Variants in GRID2 observed in about 807,000 individuals in gnomAD.
The protein encoded by GRID2 is glutamate receptor ionotropic, delta-2.
GRID2 carries 33 observed loss-of-function variants against 114.8 expected under a neutral mutation model. The observed-to-expected ratio is 0.29, with a 90% CI of 0.22 to 0.38. The LOEUF (loss-of-function observed/expected upper bound fraction) is 0.38, where lower values mean the gene tolerates loss of function less well. Ranked by LOEUF, GRID2 falls within the 10% of genes least tolerant of loss-of-function variation. The pLI is 1.00. For missense variants in GRID2, 1,184 were observed against 1,257.7 expected (o/e 0.94, Z 0.89); for synonymous variants, 505 against 449.9 (o/e 1.12, Z -1.55).
At chr4:92,796,996 A>T (rs991818832) in intron 2 of GRID2, among the ~76,000 whole-genome samples, 3 of 151,956 alleles carry the variant, frequency 2.0e-5, no homozygotes, top group Non-Finnish European at 2.9e-5. Context: ...GGACAGCTTC[A>T]TTAATTTTCA....
intron 12 of GRID2, among the ~76,000 whole-genome samples, chr4:93,509,330 G>A (rs776607514): frequency 1.7e-4 from 26 of 152,124 alleles, no homozygotes; most frequent in Non-Finnish European, 3.2e-4. Flanking sequence ...GAGTAGATGA[G>A]GTGGGGAAGT....
chr4:92,848,124 CCA>C (rs948279111), intron 2 of GRID2, among the ~76,000 whole-genome samples: 8 of 151,916 alleles, frequency 5.3e-5, no homozygotes, highest in Non-Finnish European at 7.4e-5. Flanking sequence ...TCTTCCATTT[CCA>C]CAGTCATTGA....
At chr4:92,379,886 T>C (rs575269407) in intron 1 of GRID2, among the ~76,000 whole-genome samples, 41 of 152,128 alleles carry the variant, frequency 2.7e-4, no homozygotes, top group African/African-American at 9.4e-4. Context: ...GGTATTAAAT[T>C]GTTTTTTAAG....
chr4:92,367,811 G>A (rs1728943839), intron 1 of GRID2, among the ~76,000 whole-genome samples: 1 of 152,088 alleles, frequency 6.6e-6, no homozygotes, highest in Admixed American at 6.6e-5. Flanking sequence ...TTAACTACTA[G>A]CATCATTACT....
intron 8 of GRID2, among the ~76,000 whole-genome samples, chr4:93,370,904 A>G (rs1762826044): frequency 6.6e-6 from 1 of 152,166 alleles, no homozygotes; most frequent in Non-Finnish European, 1.5e-5. Flanking sequence ...CTTCTGATGA[A>G]CTAAATTACT....
intron 2 of GRID2, among the ~76,000 whole-genome samples, chr4:92,916,467 G>A (rs776297580): frequency 3.9e-5 from 6 of 151,980 alleles, no homozygotes; most frequent in Non-Finnish European, 7.4e-5. Flanking sequence ...CCATTAACTC[G>A]TCATTTAACA....
chr4:93,101,188 A>G (rs944016217), intron 3 of GRID2, among the ~76,000 whole-genome samples: 1 of 152,122 alleles, frequency 6.6e-6, no homozygotes, highest in Non-Finnish European at 1.5e-5. Context: ...TTCAGGGTAC[A>G]TATGATAATT....
At chr4:92,990,756 G>A (rs1282415944) in intron 2 of GRID2, among the ~76,000 whole-genome samples, 1 of 151,952 alleles carries the variant, frequency 6.6e-6, no homozygotes, top group Non-Finnish European at 1.5e-5. Context: ...AGACCTAAAT[G>A]AAAGAACAAA....
chr4:92,599,409 G>A (rs1405038289), intron 2 of GRID2, among the ~76,000 whole-genome samples: 1 of 152,166 alleles, frequency 6.6e-6, no homozygotes, highest in African/African-American at 2.4e-5. Context: ...TGCTTTGAAA[G>A]ATGGATCATC....
intron 8 of GRID2, among the ~76,000 whole-genome samples, chr4:93,249,703 C>A (rs1042856087): frequency 6.6e-6 from 1 of 151,732 alleles, no homozygotes; most frequent in African/African-American, 2.4e-5. Flanking sequence ...GCAGACACTG[C>A]TCAAAAGAAG....
intron 1 of GRID2, among the ~76,000 whole-genome samples, chr4:93,794,523 G>A (rs1734757252): frequency 1.3e-5 from 2 of 152,086 alleles, no homozygotes; most frequent in Non-Finnish European, 2.9e-5. Context: ...ATCCTTCATG[G>A]CCAATGAGTC....
intron 14 of GRID2, among the ~76,000 whole-genome samples, chr4:93,675,147 G>A (rs1048799016): frequency 1.3e-5 from 2 of 152,076 alleles, no homozygotes; most frequent in South Asian, 2.1e-4. Flanking sequence ...ACGTGAACCT[G>A]TCATATATTG....
At chr4:93,762,891 T>A (rs1477838120) in intron 14 of GRID2, among the ~76,000 whole-genome samples, 1 of 151,968 alleles carries the variant, frequency 6.6e-6, no homozygotes, top group Non-Finnish European at 1.5e-5. Context: ...CATCATACCA[T>A]CTGGAGGGCT....
intron 2 of GRID2, among the ~76,000 whole-genome samples, chr4:93,076,568 T>TCCAATGCA (rs1729322519): frequency 6.6e-6 from 1 of 151,760 alleles, no homozygotes; most frequent in Non-Finnish European, 1.5e-5. Flanking sequence ...TGATGCAGTA[T>TCCAATGCA]TACTAACTGA....
intron 2 of GRID2, among the ~76,000 whole-genome samples, chr4:92,892,582 C>T (rs115091598): frequency 6.0e-4 from 91 of 152,224 alleles, no homozygotes; most frequent in African/African-American, 2.1e-3. Context: ...TCTTTGTTCA[C>T]AGTGCTGGTT....
intron 8 of GRID2, among the ~76,000 whole-genome samples, chr4:93,335,473 TAAC>T (rs1276530381): frequency 2.0e-5 from 3 of 152,162 alleles, no homozygotes; most frequent in South Asian, 2.1e-4. Flanking sequence ...TTACAGATCC[TAAC>T]AACATGTTTT....
At chr4:92,860,042 A>G (rs1232510602) in intron 2 of GRID2, among the ~76,000 whole-genome samples, 1 of 152,176 alleles carries the variant, frequency 6.6e-6, no homozygotes, top group Non-Finnish European at 1.5e-5. Flanking sequence ...TAATAATCAT[A>G]TTTAGTACTT....
intron 2 of GRID2, among the ~76,000 whole-genome samples, chr4:92,728,445 T>G (rs1462691145): frequency 6.6e-6 from 1 of 152,072 alleles, no homozygotes; most frequent in Non-Finnish European, 1.5e-5. Flanking sequence ...GTAAGCTCGC[T>G]CAAGTGATTG....
At chr4:93,753,756 G>T (rs1389627504) in intron 14 of GRID2, among the ~76,000 whole-genome samples, 1 of 152,158 alleles carries the variant, frequency 6.6e-6, no homozygotes, top group Non-Finnish European at 1.5e-5. Flanking sequence ...TGGACATTTG[G>T]GTTGGTTCCA....
Sources: allele counts gnomAD v4.1 joint callset (sites outside exome capture counted in the v4.1 genomes callset), GRCh38; gene constraint gnomAD v4.1.1; transcripts MANE v1.5; gene names NCBI Gene and HGNC (gene_info 2026-07-23, HGNC 2026-07-21).